EVA1A: variants seen among roughly 807,000 people sequenced by gnomAD.
The protein encoded by EVA1A is protein eva-1 homolog A.
A neutral mutation model predicts 9.8 loss-of-function variants in EVA1A; 7 were observed. The observed-to-expected ratio is 0.71, with a 90% CI of 0.41 to 1.34. The LOEUF (loss-of-function observed/expected upper bound fraction) is 1.34. EVA1A is among the 40% of genes most tolerant of loss of function. The pLI is 0.01. For missense variants in EVA1A, 206 were observed against 205.9 expected, an observed-to-expected ratio of 1.00 and a Z score of 0.00; for synonymous variants, 90 against 85.6, an observed-to-expected ratio of 1.05 and a Z score of -0.28.
intron 1 of EVA1A, among the ~76,000 whole-genome samples, chr2:75,530,154 A>T (rs1363446331): frequency 6.6e-6 from 1 of 152,180 alleles, no homozygotes; most frequent in Non-Finnish European, 1.5e-5. Context: ...TCTAGAGGGG[A>T]TGAATAAATT....
intron 3 of EVA1A, among the ~76,000 whole-genome samples, chr2:75,513,122 G>C (rs1384848922): frequency 6.6e-6 from 1 of 152,100 alleles, no homozygotes; most frequent in African/African-American, 2.4e-5. Context: ...AAAAGGCTTT[G>C]AGAATCACAG....
intron 1 of EVA1A, among the ~76,000 whole-genome samples, chr2:75,537,161 C>T (rs1373222603): frequency 1.3e-5 from 2 of 151,904 alleles, no homozygotes; most frequent in African/African-American, 4.8e-5. Context: ...GAATGCAAGG[C>T]TTATTCAAAA....
At chr2:75,551,149 A>C (rs934656087) in intron 1 of EVA1A, among the ~76,000 whole-genome samples, 27 of 152,022 alleles carry the variant, frequency 1.8e-4, no homozygotes, top group African/African-American at 5.6e-4. Flanking sequence ...AACAAAAAAA[A>C]CCAAAAAAAA....
At position 75,556,751 on chromosome 2, in the gene EVA1A, C is replaced by T. The variant is rs529637935; in HGVS notation, c.-192+3929G>A. Among the ~76,000 whole-genome samples, 168 of 152,222 alleles carry T rather than the reference C, an allele frequency of 1.1e-3. 1 individual carries two copies. The highest frequency in any genetic ancestry group is 2.1e-3 in the Non-Finnish European group (143 of 68,012). On this transcript the variant is annotated intron_variant, in intron 1 of 3. Transcript: ENST00000393913. ...AGATGGTTTCAGGATGAAACTGTTC[C>T]ACCTCAGATCACCAAACATTAGATT... is the stretch of plus-strand genomic sequence containing the variant.
chr2:75,553,085 T>C (rs974198332), intron 1 of EVA1A, among the ~76,000 whole-genome samples: 18 of 152,218 alleles, frequency 1.2e-4, no homozygotes, highest in Non-Finnish European at 2.2e-4. Context: ...CATGCCTATC[T>C]GCCTTCCCTT....
chr2:75,566,385 T>G (rs1677029259), intron 1 of EVA1A, among the ~76,000 whole-genome samples: 1 of 152,096 alleles, frequency 6.6e-6, no homozygotes, highest in Non-Finnish European at 1.5e-5. Context: ...AAAGCAAAGT[T>G]TTACCTGTAC....
At chr2:75,510,909 T>A (rs1305179473) in intron 3 of EVA1A, among the ~76,000 whole-genome samples, 1 of 152,250 alleles carries the variant, frequency 6.6e-6, no homozygotes, top group Non-Finnish European at 1.5e-5. Context: ...CCCAGCCATA[T>A]GTTTTTGTAA....
intron 2 of EVA1A, among the ~76,000 whole-genome samples, chr2:75,519,679 G>A (rs1399335471): frequency 2.6e-5 from 4 of 152,166 alleles, no homozygotes; most frequent in Admixed American, 6.5e-5. Context: ...GATGATACAC[G>A]TGAATGGTGA....
chr2:75,546,531 G>A (rs192105799), intron 1 of EVA1A, among the ~76,000 whole-genome samples: 50 of 152,162 alleles, frequency 3.3e-4, no homozygotes, highest in African/African-American at 1.1e-3. Context: ...AAATCTTCAT[G>A]TCCCAAGCAG....
chr2:75,558,572 G>C (rs1253382140), intron 1 of EVA1A: 1 of 152,274 alleles, frequency 6.6e-6, no homozygotes, highest in Non-Finnish European at 1.5e-5. Flanking sequence ...CCTGGGGCAG[G>C]GCAGGGAGCA....
chr2:75,522,202 G>A (rs1458977205), intron 2 of EVA1A, among the ~76,000 whole-genome samples, 163 bp downstream of exon 2: 1 of 152,180 alleles, frequency 6.6e-6, no homozygotes, highest in East Asian at 1.9e-4. Context: ...TTGCAGTGAA[G>A]CCCCCTATTA....
chr2:75,564,571 G>A (rs781305340), upstream of EVA1A, among the ~76,000 whole-genome samples: 29 of 152,200 alleles, frequency 1.9e-4, no homozygotes, highest in Admixed American at 3.3e-4. Flanking sequence ...AGAAGCCAGG[G>A]CCCCTTCAGC....
chr2:75,564,268 A>G (rs1676984108), upstream of EVA1A, among the ~76,000 whole-genome samples: 1 of 152,250 alleles, frequency 6.6e-6, no homozygotes, highest in South Asian at 2.1e-4. Context: ...CCATGTGCAC[A>G]GGCACAGCGT....
intron 1 of EVA1A, among the ~76,000 whole-genome samples, chr2:75,556,774 A>C (rs567679340): frequency 6.6e-6 from 1 of 152,258 alleles, no homozygotes; most frequent in South Asian, 2.1e-4. Flanking sequence ...CAAACATTAG[A>C]TTCTCATAAG....
intron 3 of EVA1A, among the ~76,000 whole-genome samples, chr2:75,501,019 T>C (rs1308857769): frequency 6.7e-6 from 1 of 150,086 alleles, no homozygotes; most frequent in East Asian, 1.9e-4. Flanking sequence ...ACCTTATTAC[T>C]TTTACAAAAA....
intron 1 of EVA1A, among the ~76,000 whole-genome samples, chr2:75,559,488 T>C (rs937073067): frequency 2.0e-5 from 3 of 152,176 alleles, no homozygotes; most frequent in Admixed American, 2.0e-4. Context: ...GAAAGGAGAT[T>C]CAAGCCAGCC....
intron 1 of EVA1A, among the ~76,000 whole-genome samples, chr2:75,532,424 C>G (rs1675697631): frequency 6.6e-6 from 1 of 151,800 alleles, no homozygotes; most frequent in East Asian, 1.9e-4. Flanking sequence ...ATAATAAAAG[C>G]CAACGTTTAT....
At chr2:75,524,044 G>A (rs905084439) in intron 1 of EVA1A, 6 of 152,098 alleles carry the variant, frequency 3.9e-5, no homozygotes, top group African/African-American at 1.5e-4. Flanking sequence ...GTTTTATAAG[G>A]GGCATTTCCC....
chr2:75,519,722 C>T (rs1675169102), intron 2 of EVA1A, among the ~76,000 whole-genome samples: 1 of 152,196 alleles, frequency 6.6e-6, no homozygotes, highest in African/African-American at 2.4e-5. Context: ...GGCTGTTCTA[C>T]AGATCTGAGG....
Sources: gnomAD v4.1 joint callset for allele counts (sites outside exome capture counted in the v4.1 genomes callset) on GRCh38, gnomAD v4.1.1 for gene constraint, MANE v1.5 for transcripts, NCBI Gene and HGNC (gene_info 2026-07-23, HGNC 2026-07-21) for gene names.